AAK1: variants seen among roughly 807,000 people sequenced by gnomAD.
The protein encoded by AAK1 is AP2 associated kinase 1.
A neutral mutation model predicts 116.0 loss-of-function variants in AAK1; 37 were observed. The observed-to-expected ratio is 0.32, with a 90% CI of 0.25 to 0.42. AAK1 has a LOEUF of 0.42. Ranked by LOEUF, AAK1 falls within the 10% of genes least tolerant of loss-of-function variation. AAK1 has a pLI of 1.00. For missense variants in AAK1, 919 were observed against 1,170.6 expected (o/e 0.79, Z 3.14); for synonymous variants, 458 against 439.9 (o/e 1.04, Z -0.51).
chr2:69,631,469 G>GT (rs901127657), intron 2 of AAK1, among the ~76,000 whole-genome samples: 2 of 152,158 alleles, frequency 1.3e-5, no homozygotes, highest in Non-Finnish European at 2.9e-5. Flanking sequence ...AATAATCTCT[G>GT]TTTTTTGACA....
In AAK1 at chr2:69,465,186, C is replaced by G. The variant is rs536119816; in HGVS notation, c.*10683G>C. 3.4e-5 allele frequency: 10 copies of G among 292,568 alleles called. No individual in the cohort carries two copies. Among genetic ancestry groups the G allele is most frequent in the Non-Finnish European group, 5.7e-5 (9 of 156,716 alleles). 18.1% of individuals were successfully genotyped at this position (292,568 alleles called of 1,614,324 possible). On this transcript the variant is annotated 3_prime_UTR_variant, in exon 22 of 22. Transcript: ENST00000409085. ...CTCTGTGAAGGAGATGAAAATGCCT[C>G]CAAGTCCAGAAATCAATATAAACAA...
At chr2:69,486,422 A>T (rs1053409985) in intron 17 of AAK1, among the ~76,000 whole-genome samples, 1 of 152,202 alleles carries the variant, frequency 6.6e-6, no homozygotes, top group Non-Finnish European at 1.5e-5. Flanking sequence ...AGCTATTCAC[A>T]TAGATAACTT....
chr2:69,609,049 T>C (rs1398599737), intron 2 of AAK1, among the ~76,000 whole-genome samples: 1 of 152,194 alleles, frequency 6.6e-6, no homozygotes, highest in Admixed American at 6.5e-5. Context: ...TCCAAAGCAA[T>C]CTACAGGTTC....
At chr2:69,488,136 G>A (rs964221409) in intron 17 of AAK1, among the ~76,000 whole-genome samples, 9 of 143,948 alleles carry the variant, frequency 6.3e-5, no homozygotes, top group East Asian at 2.1e-4. Flanking sequence ...GACTCTAAAC[G>A]TGTGTGTGTG....
chr2:69,530,764 G>T, intron 6 of AAK1, 58 bp from the exon 7 acceptor site: 1 of 1,348,340 alleles, frequency 7.4e-7, no homozygotes, highest in South Asian at 1.2e-5. Flanking sequence ...TAAAAACCAG[G>T]AGCAGCAGAA....
In AAK1 at chr2:69,556,769, G is replaced by C. The variant is rs758428800; in HGVS notation, c.282+91C>G. On this transcript the variant is annotated intron_variant, in intron 3 of 21. Coordinates refer to ENST00000409085, the MANE Select transcript of AAK1 (RefSeq NM_014911.5). ...TACAGAGGCCTCTGTACCATCTCAG[G>C]GAAGGGAACAAACCCCGCTTGGCTT... 16 of 947,220 alleles carry C rather than the reference G, an allele frequency of 1.7e-5. No individual in the cohort carries two copies. In the Middle Eastern group the frequency reaches 6.3e-4, roughly 37 times the overall value. The allele number at this position is 947,220 out of a possible 1,614,324, so 58.7% of individuals were successfully genotyped here.
chr2:69,598,808 G>A (rs540060152), intron 2 of AAK1: 36 of 207,692 alleles, frequency 1.7e-4, no homozygotes, highest in African/African-American at 7.8e-4. Context: ...GGTATGAGCC[G>A]CTAATGTCCC....
At chr2:69,620,937 G>A (rs1314327996) in intron 2 of AAK1, among the ~76,000 whole-genome samples, 1 of 152,174 alleles carries the variant, frequency 6.6e-6, no homozygotes, top group Non-Finnish European at 1.5e-5. Flanking sequence ...ATTTGCCCAA[G>A]TTTCTCAAAG....
chr2:69,470,620 A>G lies in AAK1; in HGVS notation c.*5249T>C. The G allele has an allele frequency of 1.0e-6, 1 of 985,414 alleles. No individual in the cohort carries two copies. The highest frequency in any genetic ancestry group is 1.2e-6 in the Non-Finnish European group (1 of 829,928). The allele number at this position is 985,414 out of a possible 1,614,324, so 61.0% of individuals were successfully genotyped here. A position where few individuals can be genotyped will look rare whatever the true frequency, so the allele number is the denominator to read the frequency against. On this transcript the variant is annotated 3_prime_UTR_variant, in exon 22 of 22. Transcript: ENST00000409085. ...TTAATTAAGTTGGCCTGGGTATATT[A>G]GGGATTAAGTTAGAGGAGGGAAGCT...
chr2:69,530,717 GA>G lies in AAK1; in HGVS notation c.657-12del, dbSNP rs1160585194. 6.2e-7 allele frequency: 1 copy of G among 1,600,214 alleles called. No homozygotes were observed. Among genetic ancestry groups the G allele is most frequent in the Non-Finnish European group, 8.6e-7 (1 of 1,168,314 alleles). On this transcript the variant is annotated splice_polypyrimidine_tract_variant and intron_variant, in intron 6 of 21. Transcript: ENST00000409085. The stretch of plus-strand genomic sequence containing the variant: ...GACAGCGTTGTGTATCTACAATCAA[GA>G]GATTCATTTTTTATTAAATATGTCA...
At chr2:69,510,305 T>A (rs2104971355) in intron 13 of AAK1, among the ~76,000 whole-genome samples, 1 of 152,334 alleles carries the variant, frequency 6.6e-6, no homozygotes, top group Middle Eastern at 3.4e-3. Context: ...TGCTATTTGG[T>A]TTTCTATTCC....
Position 69,471,896 on chromosome 2 carries a change from A to G in AAK1, c.*3973T>C, listed in dbSNP as rs559521346. ...ATAAGTAATCAAAACAACCAAAAGT[A>G]TTAATAATAAAACAAATATTACATC... On this transcript the variant is annotated 3_prime_UTR_variant, in exon 22 of 22. Coordinates refer to ENST00000409085, the MANE Select transcript of AAK1 (RefSeq NM_014911.5). The G allele has an allele frequency of 2.0e-6, 2 of 985,270 alleles. No homozygotes were observed. The highest frequency in any genetic ancestry group is 2.3e-4 in the East Asian group (2 of 8,820). 61.0% of individuals were successfully genotyped at this position (985,270 alleles called of 1,614,324 possible).
intron 10 of AAK1, among the ~76,000 whole-genome samples, chr2:69,523,456 A>G (rs1369349338): frequency 1.3e-5 from 2 of 152,250 alleles, no homozygotes; most frequent in Non-Finnish European, 2.9e-5. Flanking sequence ...AATAAATATT[A>G]AAGAACTTTT....
intron 2 of AAK1, among the ~76,000 whole-genome samples, chr2:69,629,244 T>C (rs1675051735): frequency 6.6e-6 from 1 of 152,236 alleles, no homozygotes; most frequent in East Asian, 1.9e-4. Flanking sequence ...TAAAAATCAC[T>C]GTCCTAATTT....
intron 13 of AAK1, among the ~76,000 whole-genome samples, chr2:69,512,432 G>A (rs912271022): frequency 1.3e-4 from 20 of 151,984 alleles, no homozygotes; most frequent in African/African-American, 4.4e-4. Context: ...CTTTATAACC[G>A]TGCTTTTTAA....
In AAK1 at chr2:69,560,475, C is replaced by T. The variant is rs1444355089; in HGVS notation, c.164-3497G>A. Among the ~76,000 whole-genome samples, 3 of 152,216 alleles carry T rather than the reference C, an allele frequency of 2.0e-5. No homozygotes were observed. In the East Asian group the frequency reaches 5.8e-4, roughly 29 times the overall value. ...TAAGAAAATCTTAACATTCAGTAGC[C>T]TGTGTCAGTCTCTCTGCCTACTGGC... On this transcript the variant is annotated intron_variant, in intron 2 of 21. Transcript: ENST00000409085.
intron 17 of AAK1, among the ~76,000 whole-genome samples, chr2:69,489,121 C>T (rs1282615528): frequency 1.3e-5 from 2 of 150,250 alleles, no homozygotes; most frequent in Non-Finnish European, 3.0e-5. Context: ...GCTGGGATTA[C>T]AGGAGCGAGC....
intron 16 of AAK1, among the ~76,000 whole-genome samples, chr2:69,501,951 A>G (rs1029406494): frequency 5.9e-5 from 9 of 152,304 alleles, no homozygotes; most frequent in African/African-American, 2.2e-4. Flanking sequence ...AGCCTAGGCA[A>G]CAGAGCGAGA....
At chr2:69,539,940 T>C (rs1670634215) in intron 5 of AAK1, among the ~76,000 whole-genome samples, 1 of 152,218 alleles carries the variant, frequency 6.6e-6, no homozygotes, top group Non-Finnish European at 1.5e-5. Context: ...TAGAGTTTTA[T>C]ATTTCATCTA....
Sources: allele counts gnomAD v4.1 joint callset (sites outside exome capture counted in the v4.1 genomes callset), GRCh38; gene constraint gnomAD v4.1.1; transcripts MANE v1.5; gene names NCBI Gene and HGNC (gene_info 2026-07-23, HGNC 2026-07-21).